The following UNC5C variants were observed in gnomAD, a reference collection of about 807,000 sequenced individuals.
UNC5C encodes unc-5 netrin receptor C, also known as netrin receptor UNC5C.
A neutral mutation model predicts 99.8 loss-of-function variants in UNC5C; 47 were observed. The observed-to-expected ratio is 0.47, with a 90% confidence interval of 0.37 to 0.60. UNC5C has a LOEUF of 0.60. UNC5C is among the 20% of genes least tolerant of loss of function. UNC5C has a pLI of 0.00. For synonymous variants in UNC5C, 487 were observed against 452.2 expected (o/e 1.08, Z -0.98); for missense variants, 1,062 against 1,165.9 (o/e 0.91, Z 1.30).
intron 14 of UNC5C, among the ~76,000 whole-genome samples, chr4:95,182,056 C>G (rs925522019): frequency 6.6e-6 from 1 of 152,172 alleles, no homozygotes; most frequent in Admixed American, 6.5e-5. Flanking sequence ...CTTTTGGCTT[C>G]TTCTCTTCCC....
intron 1 of UNC5C, among the ~76,000 whole-genome samples, chr4:95,531,113 AC>A (rs1278759113): frequency 6.6e-6 from 1 of 152,210 alleles, no homozygotes; most frequent in Non-Finnish European, 1.5e-5. Context: ...TGGAAGAAAG[AC>A]TAAGTTAACT....
chr4:95,357,350 C>A (rs1579354748), intron 1 of UNC5C, among the ~76,000 whole-genome samples: 1 of 152,076 alleles, frequency 6.6e-6, no homozygotes, highest in East Asian at 1.9e-4. Context: ...CTATGCTGCC[C>A]AGGCTGGTCT....
intron 11 of UNC5C, 112 bp from the exon 12 acceptor site, chr4:95,203,076 T>C (rs1311719893): frequency 2.3e-6 from 2 of 888,074 alleles, no homozygotes; most frequent in East Asian, 2.6e-5. Flanking sequence ...TTGGTCTTTT[T>C]TCTCTCTCAG....
intron 1 of UNC5C, among the ~76,000 whole-genome samples, chr4:95,527,512 C>T (rs1722529551): frequency 6.6e-6 from 1 of 151,986 alleles, no homozygotes; most frequent in Admixed American, 6.6e-5. Flanking sequence ...ATTTCTCAGC[C>T]TCCGTCTTTC....
chr4:95,330,100 C>G (rs1743053740), intron 2 of UNC5C, among the ~76,000 whole-genome samples: 2 of 152,030 alleles, frequency 1.3e-5, no homozygotes, highest in South Asian at 4.1e-4. Flanking sequence ...TTATTACATT[C>G]TAGGTAATGT....
At chr4:95,183,385 A>T (rs886796979) in intron 13 of UNC5C, among the ~76,000 whole-genome samples, 15 of 17,168 alleles carry the variant, frequency 8.7e-4, no homozygotes, top group Admixed American at 5.3e-3. Flanking sequence ...TAAATGATTA[A>T]AAAAAAAAAA....
At chr4:95,191,769 C>T (rs1019194715) in intron 12 of UNC5C, among the ~76,000 whole-genome samples, 17 of 149,668 alleles carry the variant, frequency 1.1e-4, no homozygotes, top group Admixed American at 1.3e-4. Flanking sequence ...TCCTCCCCTG[C>T]TCACCTCTTC....
intron 1 of UNC5C, among the ~76,000 whole-genome samples, chr4:95,340,337 A>C (rs1319304057): frequency 6.6e-6 from 1 of 152,116 alleles, no homozygotes; most frequent in Non-Finnish European, 1.5e-5. Context: ...ACTCCTCTGA[A>C]ATGGAATTTA....
intron 10 of UNC5C, among the ~76,000 whole-genome samples, chr4:95,209,961 A>G (rs1434616559): frequency 6.6e-6 from 1 of 152,202 alleles, no homozygotes; most frequent in Non-Finnish European, 1.5e-5. Flanking sequence ...ATGTATTTCA[A>G]GTGGTCTTTG....
At chr4:95,176,697 TTGTC>T (rs1396138235) in intron 14 of UNC5C, among the ~76,000 whole-genome samples, 1 of 152,218 alleles carries the variant, frequency 6.6e-6, no homozygotes, top group African/African-American at 2.4e-5. Context: ...GTCTTTTTGT[TTGTC>T]TGTGCCCTGC....
chr4:95,401,603 C>A (rs933818069), intron 1 of UNC5C, among the ~76,000 whole-genome samples: 1 of 152,134 alleles, frequency 6.6e-6, no homozygotes, highest in African/African-American at 2.4e-5. Context: ...CTGTGCCTCA[C>A]CCCAGTAATT....
chr4:95,271,250 C>G (rs1740651207), intron 4 of UNC5C, among the ~76,000 whole-genome samples: 1 of 149,394 alleles, frequency 6.7e-6, no homozygotes, highest in Non-Finnish European at 1.5e-5. Flanking sequence ...TTTTTTGAGA[C>G]GGAGTCTCGC....
At chr4:95,246,807 C>T (rs956431555) in intron 5 of UNC5C, among the ~76,000 whole-genome samples, 1 of 151,868 alleles carries the variant, frequency 6.6e-6, no homozygotes, top group Non-Finnish European at 1.5e-5. Context: ...TGCCTATAAT[C>T]CCAGTACTTT....
intron 1 of UNC5C, among the ~76,000 whole-genome samples, chr4:95,528,649 C>T (rs6419136): frequency 1 from 152,226 of 152,252 alleles, 76,100 homozygotes; most frequent in Middle Eastern, 1. Context: ...GATTGGAGGC[C>T]CATTTTGCAC....
Position 95,218,978 on chromosome 4 carries a change from G to C in UNC5C, c.1636C>G (p.Pro546Ala). 6.3e-7 allele frequency: 1 copy of C among 1,599,540 alleles called. No homozygotes were observed. Among genetic ancestry groups the C allele is most frequent in the Non-Finnish European group, 8.5e-7 (1 of 1,170,776 alleles). Residue 546 changes from proline to alanine, a missense_variant, in exon 9 of 16, where the codon CCC becomes GCC. Physicochemically the swap from Pro to Ala is conservative, Grantham distance 27 (BLOSUM62 -1). Transcript: ENST00000453304. ...FNSLGGHLIVPNSGVSLLIPA... is the reference protein window; with the variant it reads ...FNSLGGHLIVANSGVSLLIPA... ...AACCTCTAGGAATTACCTGAATTGG[G>C]AACAATAAGGTGACCTCCCAGCGAG... is the stretch of plus-strand genomic sequence containing the variant.
At chr4:95,235,641 A>G (rs1739081846) in intron 7 of UNC5C, among the ~76,000 whole-genome samples, 1 of 152,164 alleles carries the variant, frequency 6.6e-6, no homozygotes, top group African/African-American at 2.4e-5. Flanking sequence ...TCTTTAATCC[A>G]TCTTGAATTA....
chr4:95,516,316 G>A (rs768421297), intron 1 of UNC5C, among the ~76,000 whole-genome samples: 1 of 152,146 alleles, frequency 6.6e-6, no homozygotes, highest in Non-Finnish European at 1.5e-5. Context: ...GTGGACTGGA[G>A]GTTCTAAATA....
rs370948857 is a variant in UNC5C at position 95,330,048 on chromosome 4, T to A, written c.346+5362A>T. ...TCCTATCTTGTTATATCAATTCATG[T>A]ATTGAATAAACTATTTTCCTCACTG... On this transcript the variant is annotated intron_variant, in intron 2 of 15. Transcript: ENST00000453304. Among the ~76,000 whole-genome samples the A allele has an allele frequency of 1.1e-3, 175 of 152,266 alleles. 1 individual carries two copies. Among genetic ancestry groups the A allele is most frequent in the African/African-American group, 3.7e-3 (154 of 41,564 alleles).
chr4:95,368,375 C>T (rs1205024143), intron 1 of UNC5C, among the ~76,000 whole-genome samples: 2 of 148,244 alleles, frequency 1.3e-5, no homozygotes, highest in Admixed American at 6.8e-5. Flanking sequence ...CCCATTATGG[C>T]ATTGGTAAGA....
Sources: allele counts gnomAD v4.1 joint callset (sites outside exome capture counted in the v4.1 genomes callset), GRCh38; gene constraint gnomAD v4.1.1; transcripts MANE v1.5; gene names NCBI Gene and HGNC (gene_info 2026-07-23, HGNC 2026-07-21).